The following UVSSA variants were observed in gnomAD, a reference collection of about 807,000 sequenced individuals.
UVSSA encodes UV stimulated scaffold protein A.
UVSSA carries 72 observed loss-of-function variants against 73.9 expected under a neutral mutation model. The observed-to-expected ratio is 0.97, with a 90% CI of 0.81 to 1.19. The LOEUF (loss-of-function observed/expected upper bound fraction) is 1.19. UVSSA is among the 50% of genes most tolerant of loss of function. UVSSA has a pLI of 0.00. For missense variants in UVSSA, 1,150 were observed against 965.0 expected, an observed-to-expected ratio of 1.19 and a Z score of -2.54; for synonymous variants, 454 against 391.3, an observed-to-expected ratio of 1.16 and a Z score of -1.89.
downstream of UVSSA, chr4:1,390,562 G>C (rs548306124): frequency 6.6e-6 from 1 of 152,260 alleles, no homozygotes; most frequent in Non-Finnish European, 1.5e-5. Context: ...GGGATTACAA[G>C]CATGAGCTAC....
chr4:1,356,035 G>C (rs1177360669), intron 7 of UVSSA, among the ~76,000 whole-genome samples: 1 of 152,134 alleles, frequency 6.6e-6, no homozygotes, highest in Non-Finnish European at 1.5e-5. Flanking sequence ...CTTAGGACTG[G>C]AGGTACACAG....
Position 1,356,021 on chromosome 4 carries a change from G to A in UVSSA, c.1176+776G>A, listed in dbSNP as rs73793380. 2.0e-3 allele frequency among the ~76,000 whole-genome samples: 303 copies of A among 152,200 alleles called. 4 individuals carry two copies. The highest frequency in any genetic ancestry group is 7.0e-3 in the African/African-American group (292 of 41,540). ...GTCCTCGGCAGCACCCAGCACAGTC[G>A]GGCCTTAGGACTGGAGGTACACAGC... On this transcript the variant is annotated intron_variant, in intron 7 of 13. Coordinates refer to ENST00000389851, the MANE Select transcript of UVSSA (RefSeq NM_020894.4).
intron 8 of UVSSA, among the ~76,000 whole-genome samples, chr4:1,369,491 AT>A (rs2109223650): frequency 6.6e-6 from 1 of 152,312 alleles, no homozygotes; most frequent in African/African-American, 2.4e-5. Context: ...AAGTAGTTAG[AT>A]TTAGTCTAAA....
chr4:1,346,729 G>A (rs1170669248), upstream of UVSSA, among the ~76,000 whole-genome samples: 6 of 152,094 alleles, frequency 3.9e-5, no homozygotes, highest in Admixed American at 6.5e-5. Context: ...TGCAGGTGAA[G>A]GGACCTGGCT....
rs1720189850 is a variant in UVSSA at position 1,387,152 on chromosome 4, A to G, written c.*1191A>G. ...GAGTGCAATGGCGTGATCTCGGCTC[A>G]CTGCAACTACCACCTCCTGGGTTCA... On this transcript the variant is annotated 3_prime_UTR_variant, in exon 14 of 14. Coordinates refer to ENST00000389851, the MANE Select transcript of UVSSA (RefSeq NM_020894.4). The G allele has an allele frequency of 6.6e-6, 1 of 152,022 alleles. No individual in the cohort carries two copies. The highest frequency in any genetic ancestry group is 2.1e-4 in the South Asian group (1 of 4,826). The allele number at this position is 152,022 out of a possible 1,614,324, so 9.4% of individuals were successfully genotyped here.
At chr4:1,343,441 A>G (rs1361525544), upstream of UVSSA, among the ~76,000 whole-genome samples, 3 of 152,136 alleles carry the variant, frequency 2.0e-5, no homozygotes, top group Non-Finnish European at 4.4e-5. Context: ...AGGGGCCACA[A>G]TTCAGTCCAT....
At position 1,355,869 on chromosome 4, in the gene UVSSA, C is replaced by T. The variant is rs1034327230; in HGVS notation, c.1176+624C>T. On this transcript the variant is annotated intron_variant, in intron 7 of 13. Coordinates refer to ENST00000389851, the MANE Select transcript of UVSSA (RefSeq NM_020894.4). ...GCAGAGACCGTCGCATTGGGTGTGTCGGAGCCGTTCGAGGGTGGGGGTGCC... is the reference window on the plus strand; with the variant it reads ...GCAGAGACCGTCGCATTGGGTGTGTTGGAGCCGTTCGAGGGTGGGGGTGCC... 5.3e-5 allele frequency among the ~76,000 whole-genome samples: 8 copies of T among 152,194 alleles called. No homozygotes were observed. The South Asian group carries it at 8.3e-4, about 16-fold the overall frequency.
Position 1,353,392 on chromosome 4 carries a change from C to A in UVSSA, c.913C>A (p.Leu305Met). 1.3e-6 allele frequency: 2 copies of A among 1,581,916 alleles called. No individual in the cohort carries two copies. The highest frequency in any genetic ancestry group is 1.1e-5 in the South Asian group (1 of 87,304). The change falls in exon 5 of 14, where the codon CTG becomes ATG. Residue 305 changes from leucine (L) to methionine (M), a missense_variant. Coordinates refer to ENST00000389851, the MANE Select transcript of UVSSA (RefSeq NM_020894.4). ...SHGLGSHKYTLDVELCSEGLK... is the reference protein window; with the variant it reads ...SHGLGSHKYTMDVELCSEGLK... Reference sequence around the variant, plus strand: ...CGGGCTGGGCTCGCACAAGTACACGCTGGATGTGGAGCTCTGCTCAGGTAA... The same window carrying A: ...CGGGCTGGGCTCGCACAAGTACACGATGGATGTGGAGCTCTGCTCAGGTAA...
At chr4:1,345,056 G>A (rs1713569257), upstream of UVSSA, among the ~76,000 whole-genome samples, 3 of 152,162 alleles carry the variant, frequency 2.0e-5, no homozygotes, top group South Asian at 6.2e-4. Flanking sequence ...GGAGGATTTT[G>A]TGTAGAGGAA....
At chr4:1,367,599 C>T (rs890322222) in intron 8 of UVSSA, among the ~76,000 whole-genome samples, 1 of 152,146 alleles carries the variant, frequency 6.6e-6, no homozygotes, top group Non-Finnish European at 1.5e-5. Flanking sequence ...GAAGGCTGAG[C>T]TCCTGGGGTC....
chr4:1,354,703 C>G, intron 5 of UVSSA, 32 bp from the exon 6 acceptor site: 1 of 1,600,212 alleles, frequency 6.2e-7, no homozygotes, highest in African/African-American at 1.3e-5. Context: ...CCAGTCGGCG[C>G]CCTCTTGTGA....
At chr4:1,395,814 G>A in exon 14 of UVSSA, 1 of 1,614,160 alleles carries the variant, frequency 6.2e-7, no homozygotes, top group Non-Finnish European at 8.5e-7. Context: ...TTATGTCAAG[G>A]ATCCCTTTTA....
intron 10 of UVSSA, among the ~76,000 whole-genome samples, chr4:1,378,027 G>A (rs2109281647): frequency 6.6e-6 from 1 of 152,370 alleles, no homozygotes; most frequent in South Asian, 2.1e-4. Context: ...TAGCCAGGAT[G>A]GCAGGGGCTG....
intron 7 of UVSSA, among the ~76,000 whole-genome samples, chr4:1,365,557 C>T (rs114456306): frequency 0.015 from 2,351 of 152,332 alleles, 71 homozygotes; most frequent in African/African-American, 0.052. Flanking sequence ...CACGAGGGCT[C>T]TCCAGACTCA....
intron 7 of UVSSA, among the ~76,000 whole-genome samples, 188 bp downstream of exon 7, chr4:1,355,433 A>G (rs1209805044): frequency 6.6e-6 from 1 of 152,210 alleles, no homozygotes. Flanking sequence ...TCACCATGGC[A>G]GAGGGGACAG....
upstream of UVSSA, among the ~76,000 whole-genome samples, chr4:1,346,135 C>T (rs536930296): frequency 8.4e-4 from 128 of 152,212 alleles, no homozygotes; most frequent in Non-Finnish European, 1.5e-3. Flanking sequence ...GCAGGGAGTC[C>T]CTCTTCTTTT....
At chr4:1,349,020 CG>C (rs1330875603) in intron 2 of UVSSA, among the ~76,000 whole-genome samples, 3 of 59,100 alleles carry the variant, frequency 5.1e-5, no homozygotes, top group African/African-American at 1.9e-4. Context: ...GGGCGGTGTG[CG>C]GTTTGTGCCA....
At chr4:1,350,018 G>A (rs1446561670) in intron 3 of UVSSA, among the ~76,000 whole-genome samples, 164 bp downstream of exon 3, 1 of 152,208 alleles carries the variant, frequency 6.6e-6, no homozygotes, top group Non-Finnish European at 1.5e-5. Flanking sequence ...GTGTGGGAAA[G>A]AGGGCAGCAT....
intron 8 of UVSSA, among the ~76,000 whole-genome samples, chr4:1,367,353 C>T (rs1047765031): frequency 6.6e-6 from 1 of 152,134 alleles, no homozygotes; most frequent in African/African-American, 2.4e-5. Flanking sequence ...AAAACAAGAC[C>T]CTCAGCTTTT....
Sources: gnomAD v4.1 joint callset for allele counts (sites outside exome capture counted in the v4.1 genomes callset) on GRCh38, gnomAD v4.1.1 for gene constraint, MANE v1.5 for transcripts, NCBI Gene and HGNC (gene_info 2026-07-23, HGNC 2026-07-21) for gene names.